The following CDC42BPA variants were observed in gnomAD, a reference collection of about 807,000 sequenced individuals.
CDC42BPA encodes CDC42 binding protein kinase alpha, also known as serine/threonine-protein kinase MRCK alpha.
In CDC42BPA, 80 loss-of-function variants were observed where a neutral mutation model predicts 223.5. That is an observed-to-expected ratio of 0.36 (90% CI 0.30 to 0.43). The LOEUF is 0.43. CDC42BPA is among the 20% of genes least tolerant of loss of function. The pLI, the probability that CDC42BPA is intolerant of heterozygous loss-of-function variation, is 1.00. For synonymous variants in CDC42BPA, 694 were observed against 718.6 expected (o/e 0.97, Z 0.55); for missense variants, 1,743 against 2,099.9 (o/e 0.83, Z 3.32).
chr1:227,135,855 C>CAAAAAAAAAAAAAAAA (rs1175091904), intron 10 of CDC42BPA, among the ~76,000 whole-genome samples: 5 of 6,578 alleles, frequency 7.6e-4, no homozygotes, highest in South Asian at 9.4e-3. Context: ...CTCTGTCTCC[C>CAAAAAAAAAAAAAAAA]AAAAAAAAAA....
At chr1:227,065,393 A>T (rs760322179) in intron 21 of CDC42BPA, among the ~76,000 whole-genome samples, 12 of 152,212 alleles carry the variant, frequency 7.9e-5, no homozygotes, top group Non-Finnish European at 1.6e-4. Flanking sequence ...AGAAGCAGAG[A>T]GTGTTGAGAA....
intron 3 of CDC42BPA, among the ~76,000 whole-genome samples, chr1:227,200,147 T>C (rs1384878412): frequency 6.6e-6 from 1 of 152,162 alleles, no homozygotes; most frequent in Non-Finnish European, 1.5e-5. Context: ...AAAATTTTCA[T>C]GGGCCGGGCG....
intron 7 of CDC42BPA, among the ~76,000 whole-genome samples, chr1:227,146,249 A>G (rs566082116): frequency 6.6e-5 from 10 of 152,274 alleles, no homozygotes; most frequent in Non-Finnish European, 1.2e-4. Flanking sequence ...GAATTCAAGT[A>G]ACTTTCTCAA....
chr1:227,077,208 G>T (rs116053672), intron 17 of CDC42BPA, among the ~76,000 whole-genome samples: 1,634 of 152,254 alleles, frequency 0.011, 32 homozygotes, highest in African/African-American at 0.037. Context: ...GTGCTTACCA[G>T]CTGTGTAACT....
chr1:227,304,518 G>A (rs985931444), intron 1 of CDC42BPA, among the ~76,000 whole-genome samples: 2 of 151,894 alleles, frequency 1.3e-5, no homozygotes, highest in African/African-American at 4.8e-5. Context: ...ATAAAATAGG[G>A]TAAATCAAAG....
At chr1:227,111,295 C>T (rs917986695) in intron 14 of CDC42BPA, among the ~76,000 whole-genome samples, 1 of 152,122 alleles carries the variant, frequency 6.6e-6, no homozygotes, top group African/African-American at 2.4e-5. Flanking sequence ...GCAGATACCA[C>T]ACTCAGACTA....
chr1:227,317,855 G>A lies in CDC42BPA; in HGVS notation c.-673C>T. On this transcript the variant is annotated 5_prime_UTR_variant, in exon 1 of 37. Coordinates refer to ENST00000366766, the MANE Select transcript of CDC42BPA (RefSeq NM_001394014.1). ...GCGGCTTTTCGTTTCTCCTCCCGAG[G>A]TCCTTCTTTCTTTAAGGCTTTGCAG... is the stretch of plus-strand genomic sequence containing the variant. The A allele has an allele frequency of 2.5e-6, 1 of 398,690 alleles. No homozygotes were observed. The allele number at this position is 398,690 out of a possible 1,614,324, so 24.7% of individuals were successfully genotyped here. A position where few individuals can be genotyped will look rare whatever the true frequency, so the allele number is the denominator to read the frequency against.
In CDC42BPA at chr1:227,059,163, C is replaced by T. The variant is rs1484239738; in HGVS notation, c.2905-7178G>A. 3.3e-5 allele frequency among the ~76,000 whole-genome samples: 5 copies of T among 151,028 alleles called. No homozygotes were observed. The South Asian group carries it at 8.4e-4, about 25-fold the overall frequency. On this transcript the variant is annotated intron_variant, in intron 21 of 36. Coordinates refer to ENST00000366766, the MANE Select transcript of CDC42BPA (RefSeq NM_001394014.1). ...GTTTGGTTATAGTGATTTATATGAA[C>T]ATTCCTAAAGCTTTGCGGCCAAAGC...
At chr1:227,220,624 T>G (rs1433072058) in intron 2 of CDC42BPA, among the ~76,000 whole-genome samples, 1 of 152,010 alleles carries the variant, frequency 6.6e-6, no homozygotes, top group Non-Finnish European at 1.5e-5. Flanking sequence ...GCCTACTTTA[T>G]AGATAACAGA....
chr1:227,141,650 T>G (rs921028262), intron 9 of CDC42BPA, among the ~76,000 whole-genome samples: 1 of 152,012 alleles, frequency 6.6e-6, no homozygotes, highest in Admixed American at 6.6e-5. Context: ...CAAACTCAAG[T>G]AGAAAGAAAT....
At chr1:227,035,881 T>C (rs1166157861) in intron 24 of CDC42BPA, among the ~76,000 whole-genome samples, 1 of 152,186 alleles carries the variant, frequency 6.6e-6, no homozygotes, top group East Asian at 1.9e-4. Context: ...GCATCTAACC[T>C]TGTGAATAAA....
intron 4 of CDC42BPA, among the ~76,000 whole-genome samples, chr1:227,196,715 TAG>T (rs1224410338): frequency 6.6e-6 from 1 of 152,220 alleles, no homozygotes; most frequent in African/African-American, 2.4e-5. Flanking sequence ...ATAAAGAATT[TAG>T]AGTTCATATG....
intron 6 of CDC42BPA, among the ~76,000 whole-genome samples, chr1:227,155,771 CG>C (rs1662638422): frequency 6.6e-6 from 1 of 152,052 alleles, no homozygotes; most frequent in Non-Finnish European, 1.5e-5. Flanking sequence ...TATGACACGA[CG>C]ATGAGTATTT....
chr1:227,179,655 A>AAAAAAAAAT (rs1667594760), intron 5 of CDC42BPA, among the ~76,000 whole-genome samples: 1 of 149,734 alleles, frequency 6.7e-6, no homozygotes, highest in Non-Finnish European at 1.5e-5. Context: ...AAAAAAAAAA[A>AAAAAAAAAT]AAAAAGCTAT....
intron 21 of CDC42BPA, among the ~76,000 whole-genome samples, chr1:227,056,032 A>T (rs1226587585): frequency 6.6e-6 from 1 of 152,198 alleles, no homozygotes; most frequent in East Asian, 1.9e-4. Context: ...TTTTTACAGT[A>T]GTACATTTAA....
At chr1:227,240,068 T>C (rs1183199584) in intron 2 of CDC42BPA, among the ~76,000 whole-genome samples, 2 of 152,026 alleles carry the variant, frequency 1.3e-5, no homozygotes, top group Non-Finnish European at 2.9e-5. Context: ...TACTAAAAAA[T>C]AAATGACTTT....
intron 21 of CDC42BPA, chr1:227,068,834 A>G (rs1558422493): frequency 4.9e-6 from 1 of 205,600 alleles, no homozygotes; most frequent in African/African-American, 2.4e-5. Context: ...TGAGAAAAGC[A>G]GTCACTATCA....
At chr1:227,037,473 T>C (rs774205772) in intron 24 of CDC42BPA, among the ~76,000 whole-genome samples, 1 of 152,238 alleles carries the variant, frequency 6.6e-6, no homozygotes, top group Non-Finnish European at 1.5e-5. Flanking sequence ...TTAGTTAAAA[T>C]ACTGCAATCT....
At chr1:227,246,890 C>G (rs1572612934) in intron 2 of CDC42BPA, among the ~76,000 whole-genome samples, 2 of 152,172 alleles carry the variant, frequency 1.3e-5, no homozygotes, top group African/African-American at 2.4e-5. Context: ...CATGACATTT[C>G]AGACACAGAA....
Sources: allele counts gnomAD v4.1 joint callset (sites outside exome capture counted in the v4.1 genomes callset), GRCh38; gene constraint gnomAD v4.1.1; transcripts MANE v1.5; gene names NCBI Gene and HGNC (gene_info 2026-07-23, HGNC 2026-07-21).